The following NBAS variants were observed in gnomAD, a reference collection of about 807,000 sequenced individuals.
The protein encoded by NBAS is NBAS subunit of NRZ tethering complex, also known as NAG/BC035112 fusion.
In NBAS, 219 loss-of-function variants were observed where a neutral mutation model predicts 302.5. The ratio of observed to expected loss-of-function variants is 0.72; its 90% CI spans 0.65 to 0.81. The LOEUF is 0.81. Among genes scored for constraint, NBAS ranks in the 30% least tolerant of loss-of-function variants. NBAS has a pLI of 0.00. For missense variants in NBAS, 2,932 were observed against 2,841.6 expected, an observed-to-expected ratio of 1.03 and a Z score of -0.72; for synonymous variants, 1,118 against 1,021.6, an observed-to-expected ratio of 1.09 and a Z score of -1.80.
intron 47 of NBAS, among the ~76,000 whole-genome samples, chr2:15,226,047 C>T (rs1005212453): frequency 1.3e-5 from 2 of 152,146 alleles, no homozygotes; most frequent in African/African-American, 4.8e-5. Flanking sequence ...ATAAGATCTC[C>T]AGGCAATTCC....
At chr2:14,797,973 A>G in the NBAS span, among the ~76,000 whole-genome samples, 7 of 152,162 alleles carry the variant, frequency 4.6e-5, no homozygotes, top group African/African-American at 7.2e-5. Flanking sequence ...TCCTAAACTA[A>G]CGTTACTTCT....
the NBAS span, among the ~76,000 whole-genome samples, chr2:15,152,838 T>C: frequency 2.0e-5 from 3 of 152,222 alleles, no homozygotes; most frequent in Non-Finnish European, 4.4e-5. Flanking sequence ...ACAGTTGATA[T>C]ATAGTCAGTA....
chr2:14,869,611 T>C, the NBAS span, among the ~76,000 whole-genome samples: 5 of 152,082 alleles, frequency 3.3e-5, no homozygotes, highest in Non-Finnish European at 5.9e-5. Context: ...CACTAATCAT[T>C]TTACACTCCT....
At chr2:15,406,294 C>A (rs1038689985) in intron 25 of NBAS, among the ~76,000 whole-genome samples, 7 of 151,946 alleles carry the variant, frequency 4.6e-5, no homozygotes, top group African/African-American at 1.7e-4. Context: ...AGGTATATGA[C>A]AAAGGTGGCA....
At chr2:14,912,703 T>TAA in the NBAS span, among the ~76,000 whole-genome samples, 9 of 78,576 alleles carry the variant, frequency 1.1e-4, no homozygotes, top group South Asian at 1.2e-3. Context: ...CATTCATTTT[T>TAA]AAAAAAAAAA....
At chr2:14,991,824 T>C in the NBAS span, among the ~76,000 whole-genome samples, 1 of 152,242 alleles carries the variant, frequency 6.6e-6, no homozygotes, top group Admixed American at 6.5e-5. Flanking sequence ...TGAGGAGCAC[T>C]GTTCTAGACA....
intron 48 of NBAS, among the ~76,000 whole-genome samples, chr2:15,200,083 G>A (rs1665807885): frequency 6.6e-6 from 1 of 151,724 alleles, no homozygotes. Context: ...TTTTATTGTA[G>A]AGATGGGGTC....
chr2:15,160,326 G>A, the NBAS span, among the ~76,000 whole-genome samples: 11 of 152,246 alleles, frequency 7.2e-5, no homozygotes, highest in African/African-American at 2.4e-4. Context: ...GGACTTGGCC[G>A]ACATACTGGG....
Position 15,440,908 on chromosome 2 carries a change from G to A in NBAS, c.2340-13114C>T, listed in dbSNP as rs369391617. Among the ~76,000 whole-genome samples, 59 of 151,970 alleles carry A rather than the reference G, an allele frequency of 3.9e-4. 1 individual carries two copies. Among genetic ancestry groups the A allele is most frequent in the African/African-American group, 2.7e-4 (11 of 41,342 alleles). ...ATCAACTGGAAGAAAGGGTATCAGCGATGGAAGATGAAATGAATGAAATGA... is the reference window on the plus strand; with the variant it reads ...ATCAACTGGAAGAAAGGGTATCAGCAATGGAAGATGAAATGAATGAAATGA... On this transcript the variant is annotated intron_variant, in intron 21 of 51. Transcript: ENST00000281513.
the NBAS span, among the ~76,000 whole-genome samples, chr2:14,930,601 G>T: frequency 3.3e-5 from 5 of 152,176 alleles, no homozygotes. Flanking sequence ...TGTTCAATAA[G>T]CCAGTTACAG....
chr2:15,365,169 T>C (rs949591533), intron 32 of NBAS, among the ~76,000 whole-genome samples: 2 of 152,340 alleles, frequency 1.3e-5, no homozygotes, highest in Admixed American at 1.3e-4. Flanking sequence ...CCACAGTACG[T>C]AGCAGAAAAA....
intron 47 of NBAS, among the ~76,000 whole-genome samples, chr2:15,223,281 C>A (rs918756639): frequency 2.0e-5 from 3 of 151,926 alleles, no homozygotes; most frequent in African/African-American, 7.3e-5. Context: ...AGAGGAAGAA[C>A]CGTGATAAAA....
intron 22 of NBAS, among the ~76,000 whole-genome samples, 197 bp from the exon 23 acceptor site, chr2:15,424,665 T>C (rs570338980): frequency 1.3e-5 from 2 of 152,198 alleles, no homozygotes; most frequent in South Asian, 2.1e-4. Flanking sequence ...TAATTTATTT[T>C]CCCCCCGTTT....
chr2:15,260,946 T>C (rs1201868194), intron 44 of NBAS, among the ~76,000 whole-genome samples: 8 of 152,226 alleles, frequency 5.3e-5, no homozygotes, highest in Non-Finnish European at 1.2e-4. Context: ...TGGTCTGTTT[T>C]GCTTGTGTGT....
chr2:14,790,710 G>A, the NBAS span, among the ~76,000 whole-genome samples: 259 of 149,062 alleles, frequency 1.7e-3, no homozygotes, highest in African/African-American at 6.0e-3. Context: ...GGAGTGCAAC[G>A]GTGCGATCTC....
chr2:14,786,103 T>G, the NBAS span, among the ~76,000 whole-genome samples: 1 of 152,254 alleles, frequency 6.6e-6, no homozygotes, highest in Non-Finnish European at 1.5e-5. Flanking sequence ...TCTAGTTTAT[T>G]TGAGTAGAGG....
At chr2:15,432,338 C>T (rs1572841270) in intron 21 of NBAS, among the ~76,000 whole-genome samples, 4 of 150,292 alleles carry the variant, frequency 2.7e-5, no homozygotes, top group Admixed American at 6.6e-5. Flanking sequence ...ATAATGGCTG[C>T]TTTTACTTAA....
At position 15,504,384 on chromosome 2, in the gene NBAS, GA is replaced by G. The variant is rs200422944; in HGVS notation, c.886-172del. Among the ~76,000 whole-genome samples the G allele has an allele frequency of 2.7e-4, 41 of 149,814 alleles. 1 individual carries two copies. The highest frequency in any genetic ancestry group is 2.6e-3 in the Admixed American group (39 of 15,076). On this transcript the variant is annotated intron_variant, in intron 10 of 51. Transcript: ENST00000281513. Reference sequence around the variant, plus strand: ...TTGGTGAGATTTTGTTTTTGTTTGGGAAAAAAAAATCCACCAAGTGGTACAA... The same window carrying G: ...TTGGTGAGATTTTGTTTTTGTTTGGGAAAAAAAATCCACCAAGTGGTACAA...
intron 45 of NBAS, 78 bp downstream of exon 45, chr2:15,238,390 C>T (rs539732525): frequency 7.4e-5 from 106 of 1,432,458 alleles, no homozygotes; most frequent in Admixed American, 3.7e-4. Flanking sequence ...CCTGTCAAAA[C>T]GACTAATGTA....
Sources: gnomAD v4.1 joint callset for allele counts (sites outside exome capture counted in the v4.1 genomes callset) on GRCh38, gnomAD v4.1.1 for gene constraint, MANE v1.5 for transcripts, NCBI Gene and HGNC (gene_info 2026-07-23, HGNC 2026-07-21) for gene names.